Variants in PAX3 observed in about 807,000 individuals in gnomAD.
PAX3 encodes paired box 3, also known as paired box protein Pax-3.
A neutral mutation model predicts 51.6 loss-of-function variants in PAX3; 14 were observed. The ratio of observed to expected loss-of-function variants is 0.27; its 90% CI spans 0.18 to 0.42. The LOEUF (loss-of-function observed/expected upper bound fraction) is 0.42. PAX3 is among the 10% of genes least tolerant of loss of function. The pLI is 1.00. For missense variants in PAX3, 540 were observed against 642.8 expected (o/e 0.84, Z 1.73); for synonymous variants, 280 against 253.4 (o/e 1.11, Z -1.00).
At position 222,253,933 on chromosome 2, in the gene PAX3, G is replaced by C. The variant is rs865853357; in HGVS notation, c.587-21650C>G. On this transcript the variant is annotated intron_variant, in intron 4 of 8. Coordinates refer to ENST00000392070, the MANE Select transcript of PAX3 (RefSeq NM_181458.4). ...GCCTCCCAAAGTGGCTGGGAATATA[G>C]ACATGAGCCACCACACCTGGCCTTT... Among the ~76,000 whole-genome samples the C allele has an allele frequency of 1.3e-4, 20 of 152,246 alleles. No individual in the cohort carries two copies. In the Middle Eastern group the frequency reaches 0.01, roughly 78 times the overall value.
Position 222,220,303 on chromosome 2 carries a change from C to T in PAX3, c.1010G>A (p.Ser337Asn), listed in dbSNP as rs2106072271. 1.2e-6 allele frequency: 2 copies of T among 1,614,024 alleles called. No individual in the cohort carries two copies. Among genetic ancestry groups the T allele is most frequent in the Non-Finnish European group, 1.7e-6 (2 of 1,179,952 alleles). ...AGGAATCGTGCTTTGGTGTACAGTG[C>T]TTGGAGGAAGCGGTTGAGGTCTGTG... is the stretch of plus-strand genomic sequence containing the variant. ...TVHRPQPLPPSTVHQSTIPSN... is the reference protein window; with the variant it reads ...TVHRPQPLPPNTVHQSTIPSN... The change falls in exon 7 of 9, where the codon AGC becomes AAC. Residue 337 changes from serine (S) to asparagine (N), a missense_variant. Physicochemically the swap from Ser to Asn is conservative, Grantham distance 46 (BLOSUM62 1). This residue lies in a region of PAX3 where 427 missense variants were observed against 483.6 expected (regional missense o/e 0.88). Coordinates refer to ENST00000392070, the MANE Select transcript of PAX3 (RefSeq NM_181458.4).
At chr2:222,219,324 A>C (rs1368737017) in intron 7 of PAX3, among the ~76,000 whole-genome samples, 2 of 152,150 alleles carry the variant, frequency 1.3e-5, no homozygotes, top group Admixed American at 6.6e-5. Flanking sequence ...ACCCCTTGTG[A>C]CATTTCTCCA....
chr2:222,211,711 T>C (rs1559256699), intron 7 of PAX3, among the ~76,000 whole-genome samples: 1 of 152,212 alleles, frequency 6.6e-6, no homozygotes, highest in Non-Finnish European at 1.5e-5. Context: ...TCCTTAAAAC[T>C]TGATAGTTTG....
intron 7 of PAX3, among the ~76,000 whole-genome samples, chr2:222,219,146 TAGTC>T (rs1692084888): frequency 6.6e-6 from 1 of 152,328 alleles, no homozygotes; most frequent in African/African-American, 2.4e-5. Context: ...GCAGCGGTGA[TAGTC>T]AGTGATTAGT....
chr2:222,286,777 G>C (rs369833420), intron 4 of PAX3, among the ~76,000 whole-genome samples: 1 of 152,178 alleles, frequency 6.6e-6, no homozygotes, highest in Non-Finnish European at 1.5e-5. Context: ...CCTGTTGGTG[G>C]TTTTTAAAAA....
At chr2:222,202,507 T>C (rs558323833) in intron 7 of PAX3, among the ~76,000 whole-genome samples, 69 of 152,064 alleles carry the variant, frequency 4.5e-4, no homozygotes, top group Admixed American at 1.7e-3. Flanking sequence ...GACTGGAATT[T>C]CAAAGAAGGG....
intron 4 of PAX3, among the ~76,000 whole-genome samples, chr2:222,268,555 A>G (rs1054455722): frequency 2.6e-5 from 4 of 152,286 alleles, no homozygotes; most frequent in Admixed American, 2.6e-4. Context: ...GGGTGTTTCA[A>G]TAACCAGGCA....
At chr2:222,289,674 C>G (rs1694959412) in intron 4 of PAX3, among the ~76,000 whole-genome samples, 1 of 152,184 alleles carries the variant, frequency 6.6e-6, no homozygotes, top group Non-Finnish European at 1.5e-5. Flanking sequence ...AAGCACACAG[C>G]AGTCAACCAA....
intron 4 of PAX3, among the ~76,000 whole-genome samples, chr2:222,258,062 G>A (rs781317810): frequency 1.3e-5 from 2 of 152,224 alleles, no homozygotes; most frequent in African/African-American, 2.4e-5. Context: ...GCTTTCAAGT[G>A]TGTCTATATT....
rs778603071 is a variant in PAX3 at position 222,249,440 on chromosome 2, T to C, written c.587-17157A>G. On this transcript the variant is annotated intron_variant, in intron 4 of 8. Coordinates refer to ENST00000392070, the MANE Select transcript of PAX3 (RefSeq NM_181458.4). Reference sequence around the variant, plus strand: ...CTTAGGCCTTAGGAAAGGTTTACTCTTCAACTTCCAGAGTCCTACATATTT... The same window carrying C: ...CTTAGGCCTTAGGAAAGGTTTACTCCTCAACTTCCAGAGTCCTACATATTT... Among the ~76,000 whole-genome samples the C allele has an allele frequency of 5.7e-4, 86 of 152,212 alleles. 1 individual carries two copies. Among genetic ancestry groups the C allele is most frequent in the Non-Finnish European group, 1.1e-3 (74 of 68,032 alleles).
At chr2:222,213,919 A>C (rs1691850694) in intron 7 of PAX3, among the ~76,000 whole-genome samples, 1 of 152,208 alleles carries the variant, frequency 6.6e-6, no homozygotes, top group African/African-American at 2.4e-5. Flanking sequence ...CTGTACCGCC[A>C]GGGTGAACCT....
Position 222,281,812 on chromosome 2 carries a change from T to C in PAX3, c.586+12355A>G, listed in dbSNP as rs554598804. Reference sequence around the variant, plus strand: ...ATTTTTCTTAGCTCTTTGTAGACACTCTTAATGCAGGCCTGTTTCCATCCC... The same window carrying C: ...ATTTTTCTTAGCTCTTTGTAGACACCCTTAATGCAGGCCTGTTTCCATCCC... On this transcript the variant is annotated intron_variant, in intron 4 of 8. Coordinates refer to ENST00000392070, the MANE Select transcript of PAX3 (RefSeq NM_181458.4). 2.6e-5 allele frequency among the ~76,000 whole-genome samples: 4 copies of C among 152,316 alleles called. No homozygotes were observed. In the South Asian group the frequency reaches 8.3e-4, roughly 32 times the overall value.
At chr2:222,201,817 C>CAAA (rs368725878) in intron 8 of PAX3, 127 bp downstream of exon 8, 196 of 1,448,796 alleles carry the variant, frequency 1.4e-4, no homozygotes, top group South Asian at 1.1e-3. Flanking sequence ...GCTGGCTTTG[C>CAAA]AAAAAAAAAA....
chr2:222,292,930 C>A (rs1695096832), intron 4 of PAX3, among the ~76,000 whole-genome samples: 1 of 152,210 alleles, frequency 6.6e-6, no homozygotes. Flanking sequence ...ACTTCCAAAT[C>A]TAAATGTTCC....
intron 4 of PAX3, among the ~76,000 whole-genome samples, chr2:222,240,046 A>T (rs1425142303): frequency 2.0e-5 from 3 of 152,058 alleles, no homozygotes; most frequent in African/African-American, 4.8e-5. Flanking sequence ...CGAGGTCATT[A>T]GAAGGAAAAT....
intron 4 of PAX3, among the ~76,000 whole-genome samples, chr2:222,278,841 T>C (rs1393963500): frequency 6.6e-6 from 1 of 152,258 alleles, no homozygotes. Flanking sequence ...ATTCATTCCT[T>C]CATGGTAAGT....
chr2:222,212,758 G>C (rs1223630890), intron 7 of PAX3, among the ~76,000 whole-genome samples: 1 of 152,078 alleles, frequency 6.6e-6, no homozygotes, highest in Non-Finnish European at 1.5e-5. Context: ...TCAGATTTCT[G>C]AAGATATTGC....
chr2:222,298,315 G>C, intron 1 of PAX3: 1 of 588,900 alleles, frequency 1.7e-6, no homozygotes, highest in Non-Finnish European at 3.0e-6. Flanking sequence ...AGGCCTGACC[G>C]CCCAGCTCCG....
At chr2:222,225,711 T>G (rs1361059405) in intron 5 of PAX3, among the ~76,000 whole-genome samples, 2 of 152,318 alleles carry the variant, frequency 1.3e-5, no homozygotes, top group Non-Finnish European at 2.9e-5. Context: ...ACAAGATTGT[T>G]GTGACTATTA....
Sources: allele counts gnomAD v4.1 joint callset (sites outside exome capture counted in the v4.1 genomes callset), GRCh38; gene constraint gnomAD v4.1.1; regional missense constraint gnomAD v4.1.1; transcripts MANE v1.5; gene names NCBI Gene and HGNC (gene_info 2026-07-23, HGNC 2026-07-21).